NME6: variants seen among roughly 807,000 people sequenced by gnomAD.
NME6 encodes nucleoside diphosphate kinase 6, mitochondrial.
A neutral mutation model predicts 22.2 loss-of-function variants in NME6; 16 were observed. The ratio of observed to expected loss-of-function variants is 0.72; its 90% CI spans 0.49 to 1.09. The LOEUF is 1.09. Ranked by LOEUF, NME6 falls within the 50% of genes least tolerant of loss-of-function variation. The pLI, the probability that NME6 is intolerant of heterozygous loss-of-function variation, is 0.00. For synonymous variants in NME6, 58 were observed against 85.2 expected, an observed-to-expected ratio of 0.68 and a Z score of 1.76; for missense variants, 229 against 239.0, an observed-to-expected ratio of 0.96 and a Z score of 0.28.
chr3:48,301,102 G>A (rs879177754), intron 1 of NME6, among the ~76,000 whole-genome samples: 2 of 152,068 alleles, frequency 1.3e-5, no homozygotes, highest in Admixed American at 6.5e-5. Flanking sequence ...ACTCGAGGGG[G>A]CCACCACTCG....
Position 48,294,358 on chromosome 3 carries a change from C to T in NME6, c.*279G>A. On this transcript the variant is annotated 3_prime_UTR_variant, in exon 6 of 6. Coordinates refer to ENST00000442597, the MANE Select transcript of NME6 (RefSeq NM_001308426.2). ...AAGTGCTGGGATTATAGGCGTGAGC[C>T]ACCGTGCCCGGCCTGGCAAGCTTCT... The T allele has an allele frequency of 3.3e-6, 1 of 304,350 alleles. No individual in the cohort carries two copies. The highest frequency in any genetic ancestry group is 6.2e-5 in the South Asian group (1 of 16,236). 18.9% of individuals were successfully genotyped at this position (304,350 alleles called of 1,614,324 possible).
At chr3:48,295,287 G>A (rs2034967164) in intron 4 of NME6, 52 bp from the exon 5 acceptor site, 2 of 1,558,452 alleles carry the variant, frequency 1.3e-6, no homozygotes, top group South Asian at 2.3e-5. Context: ...GACTAGGAGG[G>A]TGTGCTGTGA....
Position 48,292,939 on chromosome 3 carries a change from A to C in NME6, c.*1698T>G. ...TTCCTTAGCCGTCATGCAAACCTGCAGTGTGTAACACTTTCCTGGGCCTGC... is the reference window on the plus strand; with the variant it reads ...TTCCTTAGCCGTCATGCAAACCTGCCGTGTGTAACACTTTCCTGGGCCTGC... On this transcript the variant is annotated 3_prime_UTR_variant, in exon 6 of 6. Transcript: ENST00000442597. 1 of 152,386 alleles carries C rather than the reference A, an allele frequency of 6.6e-6. No individual in the cohort carries two copies. Among genetic ancestry groups the C allele is most frequent in the Middle Eastern group, 3.4e-3 (1 of 294 alleles). 9.4% of individuals were successfully genotyped at this position (152,386 alleles called of 1,614,324 possible).
rs749963194 is a variant in NME6 at position 48,294,835 on chromosome 3, C to T, written c.395-32G>A. 6.2e-6 allele frequency: 10 copies of T among 1,603,868 alleles called. No individual in the cohort carries two copies. In the Admixed American group the frequency reaches 1.7e-4, roughly 27 times the overall value. On this transcript the variant is annotated intron_variant, in intron 5 of 5. Coordinates refer to ENST00000442597, the MANE Select transcript of NME6 (RefSeq NM_001308426.2). ...GGGGAGATAAGACAGAGAAGGGGTT[C>T]TCACATGGTAGAAGCAAGAGGCAGT...
chr3:48,298,092 T>C (rs922809438), intron 2 of NME6: 5 of 328,930 alleles, frequency 1.5e-5, no homozygotes, highest in Admixed American at 4.6e-5. Context: ...CCAAGCCTAC[T>C]GGACCTCTAA....
Position 48,293,399 on chromosome 3 carries a change from A to C in NME6, c.*1238T>G, listed in dbSNP as rs1158761263. On this transcript the variant is annotated 3_prime_UTR_variant, in exon 6 of 6. Coordinates refer to ENST00000442597, the MANE Select transcript of NME6 (RefSeq NM_001308426.2). ...AGGTTTCAAGGCCACCAAAAAGAGA[A>C]ATACACATGTACTGAGAAAGAAAAG... The C allele has an allele frequency of 1.3e-5, 2 of 152,244 alleles. No homozygotes were observed. The highest frequency in any genetic ancestry group is 2.9e-5 in the Non-Finnish European group (2 of 68,050). 9.4% of individuals were successfully genotyped at this position (152,244 alleles called of 1,614,324 possible). A position where few individuals can be genotyped will look rare whatever the true frequency, so the allele number is the denominator to read the frequency against.
Position 48,293,732 on chromosome 3 carries a change from T to A in NME6, c.*905A>T, listed in dbSNP as rs1172436306. 6.6e-6 allele frequency: 1 copy of A among 152,218 alleles called. No homozygotes were observed. The highest frequency in any genetic ancestry group is 2.1e-4 in the South Asian group (1 of 4,830). The allele number at this position is 152,218 out of a possible 1,614,324, so 9.4% of individuals were successfully genotyped here. A position where few individuals can be genotyped will look rare whatever the true frequency, so the allele number is the denominator to read the frequency against. On this transcript the variant is annotated 3_prime_UTR_variant, in exon 6 of 6. Coordinates refer to ENST00000442597, the MANE Select transcript of NME6 (RefSeq NM_001308426.2). ...CTGGCTGACCACCCAAATTCATAAT[T>A]AGCAACTTGAGGACCCAATCATGTC...
downstream of NME6, among the ~76,000 whole-genome samples, chr3:48,289,025 A>G (rs1426053996): frequency 2.0e-5 from 3 of 151,890 alleles, no homozygotes; most frequent in Non-Finnish European, 4.4e-5. Context: ...TGCAGTGGAG[A>G]GTTTTAAATG....
chr3:48,295,708 A>C, intron 4 of NME6: 1 of 244,778 alleles, frequency 4.1e-6, no homozygotes, highest in Non-Finnish European at 7.9e-6. Context: ...TGCCTGGCTA[A>C]TTTTTTGCTG....
At chr3:48,296,321 T>TA in intron 3 of NME6, 163 bp from the exon 4 acceptor site, 1 of 934,892 alleles carries the variant, frequency 1.1e-6, no homozygotes, top group East Asian at 2.6e-5. Context: ...GTCTGCCACT[T>TA]ACAACCTGCG....
In NME6 at chr3:48,293,110, G is replaced by C. The variant is rs1467472532; in HGVS notation, c.*1527C>G. On this transcript the variant is annotated 3_prime_UTR_variant, in exon 6 of 6. Transcript: ENST00000442597. ...TGGCTCCCTAACACAAGAAGTTGTT[G>C]AAAGTTCTACTCAGCTTCTTAGCTG... 6.6e-6 allele frequency: 1 copy of C among 152,224 alleles called. No homozygotes were observed. The highest frequency in any genetic ancestry group is 6.5e-5 in the Admixed American group (1 of 15,272). The allele number at this position is 152,224 out of a possible 1,614,324, so 9.4% of individuals were successfully genotyped here. A position where few individuals can be genotyped will look rare whatever the true frequency, so the allele number is the denominator to read the frequency against.
chr3:48,301,127 G>C, intron 1 of NME6: 1 of 691,026 alleles, frequency 1.4e-6, no homozygotes, highest in Non-Finnish European at 2.3e-6. Context: ...CTGGAGGGCG[G>C]CGGCCCAGCC....
intron 1 of NME6, among the ~76,000 whole-genome samples, chr3:48,300,063 C>A (rs2035532962): frequency 6.6e-6 from 1 of 152,240 alleles, no homozygotes; most frequent in Non-Finnish European, 1.5e-5. Context: ...TCATTCCCCT[C>A]TGGACATCTT....
intron 1 of NME6, chr3:48,298,926 T>C (rs1036354458): frequency 7.1e-6 from 5 of 702,602 alleles, no homozygotes; most frequent in Non-Finnish European, 2.6e-6. Context: ...TAATGATGAA[T>C]TCATCTCTTA....
rs756944495 is a variant in NME6 at position 48,298,944 on chromosome 3, C to G, written c.-7-421G>C. 4.3e-6 allele frequency: 3 copies of G among 702,926 alleles called. No individual in the cohort carries two copies. The South Asian group carries it at 4.4e-5, about 10-fold the overall frequency. 43.5% of individuals were successfully genotyped at this position (702,926 alleles called of 1,614,324 possible). ...TGATGAATTCATCTCTTAAAATCTT[C>G]CATCCCATAGTGCTCTCCTATCAAA... On this transcript the variant is annotated intron_variant, in intron 1 of 5. Coordinates refer to ENST00000442597, the MANE Select transcript of NME6 (RefSeq NM_001308426.2).
chr3:48,294,138 G>A lies in NME6; in HGVS notation c.*499C>T, dbSNP rs2034795780. Reference sequence around the variant, plus strand: ...CGCCCAGGCTGGAGTGCAATGGCACGATCTCGGCTCACTGCACCCTCTGCC... The same window carrying A: ...CGCCCAGGCTGGAGTGCAATGGCACAATCTCGGCTCACTGCACCCTCTGCC... On this transcript the variant is annotated 3_prime_UTR_variant, in exon 6 of 6. Coordinates refer to ENST00000442597, the MANE Select transcript of NME6 (RefSeq NM_001308426.2). The A allele has an allele frequency of 6.6e-6, 1 of 150,744 alleles. No individual in the cohort carries two copies. The highest frequency in any genetic ancestry group is 2.4e-5 in the African/African-American group (1 of 40,866). The allele number at this position is 150,744 out of a possible 1,614,324, so 9.3% of individuals were successfully genotyped here.
chr3:48,296,800 C>G lies in NME6; in HGVS notation c.120G>C (p.Lys40Asn), dbSNP rs747807908. ...EAVHQQILSN[K>N]FLIVRMRELL... is the part of the protein sequence containing the mutation. ...GTTCTCTCATTCGTACAATCAGGAA[C>G]TTGTTGCTTAGAATCTGCTGATGAA... Residue 40 changes from lysine to asparagine, a missense_variant, in exon 3 of 6, where the codon AAG becomes AAC. Transcript: ENST00000442597. 4.3e-6 allele frequency: 7 copies of G among 1,613,590 alleles called. No homozygotes were observed. Among genetic ancestry groups the G allele is most frequent in the Non-Finnish European group, 5.9e-6 (7 of 1,179,902 alleles).
At chr3:48,294,915 G>A in intron 5 of NME6, 112 bp from the exon 6 acceptor site, 1 of 1,403,436 alleles carries the variant, frequency 7.1e-7, no homozygotes, top group Non-Finnish European at 9.8e-7. Flanking sequence ...TCAGTCCTGG[G>A]GCATGTAAAG....
downstream of NME6, chr3:48,288,842 G>A (rs1306556684): frequency 6.6e-6 from 1 of 152,188 alleles, no homozygotes; most frequent in African/African-American, 2.4e-5. Context: ...GTACATTTAA[G>A]TTGGGACCTA....
Sources: allele counts gnomAD v4.1 joint callset (sites outside exome capture counted in the v4.1 genomes callset), GRCh38; gene constraint gnomAD v4.1.1; transcripts MANE v1.5; gene names NCBI Gene and HGNC (gene_info 2026-07-23, HGNC 2026-07-21).